Variants in TMPRSS11D observed in about 807,000 individuals in gnomAD.
The protein encoded by TMPRSS11D is transmembrane serine protease 11D.
Under a neutral mutation model 44.4 loss-of-function variants are expected in TMPRSS11D, and 32 were observed. That is an observed-to-expected ratio of 0.72 (90% CI 0.54 to 0.97). The LOEUF is 0.97. Among genes scored for constraint, TMPRSS11D ranks in the 50% least tolerant of loss-of-function variants. The pLI, the probability that TMPRSS11D is intolerant of heterozygous loss-of-function variation, is 0.00. For missense variants in TMPRSS11D, 446 were observed against 502.6 expected, an observed-to-expected ratio of 0.89 and a Z score of 1.08; for synonymous variants, 179 against 177.9, an observed-to-expected ratio of 1.01 and a Z score of -0.05.
intron 7 of TMPRSS11D, among the ~76,000 whole-genome samples, chr4:67,828,121 A>T (rs1022027432): frequency 6.6e-6 from 1 of 151,948 alleles, no homozygotes; most frequent in Non-Finnish European, 1.5e-5. Context: ...TATTATAAAC[A>T]AACTATGCAT....
intron 5 of TMPRSS11D, among the ~76,000 whole-genome samples, chr4:67,835,799 C>G (rs539936788): frequency 1.8e-4 from 28 of 152,180 alleles, no homozygotes; most frequent in African/African-American, 6.0e-4. Flanking sequence ...ATAGAAGGTA[C>G]AGTGGGCACA....
chr4:67,854,766 T>C (rs1317009884), intron 2 of TMPRSS11D, among the ~76,000 whole-genome samples: 3 of 152,192 alleles, frequency 2.0e-5, no homozygotes, highest in Non-Finnish European at 4.4e-5. Context: ...TAAGATTGAA[T>C]CAGTAGTAAA....
intron 2 of TMPRSS11D, among the ~76,000 whole-genome samples, chr4:67,857,962 T>A (rs995280067): frequency 2.0e-5 from 3 of 152,034 alleles, no homozygotes; most frequent in Admixed American, 1.3e-4. Context: ...TAACAAAATA[T>A]CACATGTATT....
At chr4:67,866,829 G>A (rs771124117) in intron 1 of TMPRSS11D, among the ~76,000 whole-genome samples, 1 of 151,724 alleles carries the variant, frequency 6.6e-6, no homozygotes, top group Non-Finnish European at 1.5e-5. Context: ...AAAAGAAATG[G>A]AGATGATACA....
intron 1 of TMPRSS11D, among the ~76,000 whole-genome samples, chr4:67,878,256 T>C (rs1406181286): frequency 6.6e-6 from 1 of 152,210 alleles, no homozygotes; most frequent in African/African-American, 2.4e-5. Context: ...TATTTCAGTG[T>C]CATCGTATTA....
chr4:67,871,877 G>A (rs533164584), intron 1 of TMPRSS11D, among the ~76,000 whole-genome samples: 3 of 152,276 alleles, frequency 2.0e-5, no homozygotes, highest in African/African-American at 7.2e-5. Flanking sequence ...GATGCTAAGA[G>A]TTTAAGTAAA....
rs769921023 is a variant in TMPRSS11D at position 67,835,077 on chromosome 4, A to G, written c.514+6T>C. The G allele has an allele frequency of 1.9e-6, 3 of 1,611,550 alleles. No homozygotes were observed. Among genetic ancestry groups the G allele is most frequent in the Admixed American group, 3.3e-5 (2 of 59,832 alleles). On this transcript the variant is annotated splice_donor_region_variant and intron_variant, in intron 6 of 9. Coordinates refer to ENST00000283916, the MANE Select transcript of TMPRSS11D (RefSeq NM_004262.3). ...ATTACAGTTACAAAATAATATTAAA[A>G]CTTACCATTAATAAGCCAATTTGCT...
intron 2 of TMPRSS11D, among the ~76,000 whole-genome samples, chr4:67,855,563 G>A (rs2109685205): frequency 6.6e-6 from 1 of 152,024 alleles, no homozygotes; most frequent in Non-Finnish European, 1.5e-5. Context: ...ACAACATAAA[G>A]GCTGACCAAC....
At chr4:67,878,261 G>A (rs949872384) in intron 1 of TMPRSS11D, among the ~76,000 whole-genome samples, 3 of 152,110 alleles carry the variant, frequency 2.0e-5, no homozygotes, top group Non-Finnish European at 4.4e-5. Flanking sequence ...CAGTGTCATC[G>A]TATTAAACAA....
intron 7 of TMPRSS11D, among the ~76,000 whole-genome samples, chr4:67,827,850 T>A (rs146275152): frequency 0.013 from 2,001 of 152,176 alleles, 45 homozygotes; most frequent in African/African-American, 0.046. Context: ...ATACCTCCCT[T>A]CCCATTTAAG....
At chr4:67,877,646 T>G (rs1313684750) in intron 1 of TMPRSS11D, among the ~76,000 whole-genome samples, 1 of 152,188 alleles carries the variant, frequency 6.6e-6, no homozygotes, top group African/African-American at 2.4e-5. Context: ...TGGCATTTTC[T>G]TTCTCAGTAA....
chr4:67,862,315 T>C (rs1277643593), intron 1 of TMPRSS11D, among the ~76,000 whole-genome samples: 4 of 152,106 alleles, frequency 2.6e-5, no homozygotes, highest in Non-Finnish European at 4.4e-5. Context: ...GAATAACTTA[T>C]GTTTATTCAG....
At chr4:67,876,826 G>C (rs987204824) in intron 1 of TMPRSS11D, among the ~76,000 whole-genome samples, 5 of 152,144 alleles carry the variant, frequency 3.3e-5, no homozygotes, top group Admixed American at 6.5e-5. Context: ...AAGCACTTAG[G>C]ACATTTTTTT....
chr4:67,830,753 A>G (rs1052385202), intron 7 of TMPRSS11D, among the ~76,000 whole-genome samples: 2 of 151,668 alleles, frequency 1.3e-5, no homozygotes, highest in African/African-American at 4.8e-5. Context: ...CCTTCTTTCC[A>G]GCAAGTGAAT....
chr4:67,849,201 C>T (rs1157395747), intron 3 of TMPRSS11D, among the ~76,000 whole-genome samples: 1 of 151,998 alleles, frequency 6.6e-6, no homozygotes, highest in Non-Finnish European at 1.5e-5. Flanking sequence ...AATGGTATTG[C>T]TATTAATAGG....
intron 3 of TMPRSS11D, among the ~76,000 whole-genome samples, chr4:67,851,378 T>G (rs1482304170): frequency 6.6e-6 from 1 of 152,224 alleles, no homozygotes; most frequent in African/African-American, 2.4e-5. Flanking sequence ...AATTTCGGAC[T>G]GCACTCCTGT....
intron 9 of TMPRSS11D, 113 bp from the exon 10 acceptor site, chr4:67,822,611 T>C: frequency 1.7e-6 from 2 of 1,159,638 alleles, no homozygotes; most frequent in South Asian, 3.2e-5. Context: ...ACAAATAAAG[T>C]CAGCCTATTT....
At chr4:67,874,519 T>C (rs899279059) in intron 1 of TMPRSS11D, among the ~76,000 whole-genome samples, 4 of 152,176 alleles carry the variant, frequency 2.6e-5, no homozygotes, top group African/African-American at 9.7e-5. Flanking sequence ...CAATGTTTGA[T>C]TTTACCTCTA....
intron 3 of TMPRSS11D, among the ~76,000 whole-genome samples, chr4:67,846,369 T>A (rs1718357276): frequency 6.6e-6 from 1 of 151,844 alleles, no homozygotes; most frequent in South Asian, 2.1e-4. Context: ...TAAACACAGG[T>A]TTTTTTTGTA....
Sources: gnomAD v4.1 joint callset for allele counts (sites outside exome capture counted in the v4.1 genomes callset) on GRCh38, gnomAD v4.1.1 for gene constraint, MANE v1.5 for transcripts, NCBI Gene and HGNC (gene_info 2026-07-23, HGNC 2026-07-21) for gene names.